Variants in PLAC8L1 observed in about 807,000 individuals in gnomAD.
The protein encoded by PLAC8L1 is PLAC8-like protein 1.
PLAC8L1 carries 13 observed loss-of-function variants against 16.3 expected under a neutral mutation model. That is an observed-to-expected ratio of 0.80 (90% CI 0.52 to 1.27). The LOEUF (loss-of-function observed/expected upper bound fraction) is 1.27, where lower values mean the gene tolerates loss of function less well. Ranked by LOEUF, PLAC8L1 falls within the 50% of genes most tolerant of loss-of-function variation. PLAC8L1 has a pLI of 0.00. For synonymous variants in PLAC8L1, 78 were observed against 79.3 expected (o/e 0.98, Z 0.09); for missense variants, 184 against 220.2 (o/e 0.84, Z 1.04).
At position 146,098,210 on chromosome 5, in the gene PLAC8L1, T is replaced by G; in HGVS notation, c.202A>C (p.Thr68Pro). Residue 68 changes from threonine (T) to proline (P), a missense_variant, in exon 2 of 4, where the codon ACT becomes CCT. By Grantham distance (38) the Thr-to-Pro change is conservative. Coordinates refer to ENST00000311450, the MANE Select transcript of PLAC8L1 (RefSeq NM_001029869.3). Reference protein sequence around the residue: ...GRTTITAIVQTGGGWSTGLFS... With the variant: ...GRTTITAIVQPGGGWSTGLFS... ...AGACCGGTGCTCCAGCCCCCGCCAG[T>G]CTGGACAATTGCTGTGATTGTCGTC... is the stretch of plus-strand genomic sequence containing the variant. 6.2e-7 allele frequency: 1 copy of G among 1,614,140 alleles called. No individual in the cohort carries two copies. Among genetic ancestry groups the G allele is most frequent in the East Asian group, 2.2e-5 (1 of 44,892 alleles).
chr5:146,094,607 C>G (rs1433214520), intron 2 of PLAC8L1, among the ~76,000 whole-genome samples: 2 of 152,200 alleles, frequency 1.3e-5, no homozygotes, highest in South Asian at 2.1e-4. Flanking sequence ...CACAATGCCA[C>G]TTAGCAGCCA....
intron 2 of PLAC8L1, among the ~76,000 whole-genome samples, chr5:146,088,034 C>A (rs1057276139): frequency 6.6e-6 from 1 of 152,184 alleles, no homozygotes; most frequent in Non-Finnish European, 1.5e-5. Context: ...CACCATCCCC[C>A]CTTGGTACCA....
chr5:146,101,527 G>A (rs1763817169), intron 1 of PLAC8L1, among the ~76,000 whole-genome samples: 1 of 152,112 alleles, frequency 6.6e-6, no homozygotes, highest in African/African-American at 2.4e-5. Context: ...TGAGGTTGGG[G>A]GCATATGCTG....
intron 3 of PLAC8L1, 54 bp downstream of exon 3, chr5:146,085,407 G>A: frequency 6.5e-7 from 1 of 1,547,024 alleles, no homozygotes; most frequent in Non-Finnish European, 8.8e-7. Flanking sequence ...GGTTTGGAAG[G>A]CATCTAGGTT....
intron 3 of PLAC8L1, 24 bp downstream of exon 3, chr5:146,085,437 A>G: frequency 6.2e-7 from 1 of 1,610,906 alleles, no homozygotes; most frequent in Non-Finnish European, 8.5e-7. Flanking sequence ...ATTCGGGTTC[A>G]CGTATACCTT....
intron 3 of PLAC8L1, among the ~76,000 whole-genome samples, 178 bp downstream of exon 3, chr5:146,085,283 A>G (rs1399220260): frequency 6.6e-6 from 1 of 152,126 alleles, no homozygotes; most frequent in Non-Finnish European, 1.5e-5. Flanking sequence ...TAGTTAACTT[A>G]TATTTCCTGG....
intron 2 of PLAC8L1, among the ~76,000 whole-genome samples, chr5:146,088,862 C>T (rs1763564981): frequency 6.6e-6 from 1 of 152,142 alleles, no homozygotes; most frequent in South Asian, 2.1e-4. Context: ...AGAGTACTCA[C>T]ACTGTATGCA....
intron 2 of PLAC8L1, among the ~76,000 whole-genome samples, chr5:146,097,258 G>A (rs1763733240): frequency 1.3e-5 from 2 of 152,262 alleles, no homozygotes; most frequent in South Asian, 4.1e-4. Flanking sequence ...GCCCAGGGGG[G>A]AATCATGTAG....
rs140221084 is a variant in PLAC8L1, at chr5:146,091,559, G to A, written c.257-5962C>T. Among the ~76,000 whole-genome samples, 444 of 152,224 alleles carry A rather than the reference G, an allele frequency of 2.9e-3. 1 individual carries two copies. The highest frequency in any genetic ancestry group is 4.2e-3 in the Non-Finnish European group (284 of 68,024). On this transcript the variant is annotated intron_variant, in intron 2 of 3. Transcript: ENST00000311450. ...TCTCTAAAATTTCAACACTTTGGGA[G>A]GCCAAGGCAGGAGGATCACTTGAGG...
chr5:146,103,723 C>T, intron 1 of PLAC8L1: 1 of 985,424 alleles, frequency 1.0e-6, no homozygotes, highest in Non-Finnish European at 1.2e-6. Context: ...TCCTCTTCCT[C>T]TTCTAGCACA....
At chr5:146,087,092 G>C (rs535421026) in intron 2 of PLAC8L1, among the ~76,000 whole-genome samples, 1 of 152,250 alleles carries the variant, frequency 6.6e-6, no homozygotes, top group East Asian at 1.9e-4. Context: ...TTCTAGATGA[G>C]TTTTGCCTCT....
chr5:146,100,705 G>A (rs926770581), intron 1 of PLAC8L1, among the ~76,000 whole-genome samples: 1 of 151,942 alleles, frequency 6.6e-6, no homozygotes, highest in African/African-American at 2.4e-5. Flanking sequence ...TATATATATG[G>A]ATATAACAAA....
At chr5:146,095,449 G>T (rs1164863957) in intron 2 of PLAC8L1, among the ~76,000 whole-genome samples, 1 of 152,188 alleles carries the variant, frequency 6.6e-6, no homozygotes. Context: ...CAGTATGGCT[G>T]AGGAGTGAGA....
chr5:146,086,130 T>C (rs540914864), intron 2 of PLAC8L1, among the ~76,000 whole-genome samples: 79 of 143,036 alleles, frequency 5.5e-4, no homozygotes, highest in South Asian at 9.0e-4. Context: ...CCCGGGTTCA[T>C]GCCATTCTCC....
intron 2 of PLAC8L1, among the ~76,000 whole-genome samples, chr5:146,089,780 C>T (rs1763581533): frequency 6.6e-6 from 1 of 150,746 alleles, no homozygotes; most frequent in African/African-American, 2.4e-5. Flanking sequence ...CCTCTGTCGC[C>T]CAGGCTGGAG....
At position 146,105,170 on chromosome 5, in the gene PLAC8L1, T is replaced by G. The variant is rs538360316; in HGVS notation, c.-859A>C. 6.6e-6 allele frequency among the ~76,000 whole-genome samples: 1 copy of G among 152,302 alleles called. No homozygotes were observed. Among genetic ancestry groups the G allele is most frequent in the East Asian group, 1.9e-4 (1 of 5,190 alleles). Reference sequence around the variant, plus strand: ...TGAGGAAAGGGCTCTGCAATCATAATTTGACATTACATTAGAAAGACATCA... The same window carrying G: ...TGAGGAAAGGGCTCTGCAATCATAAGTTGACATTACATTAGAAAGACATCA... On this transcript the variant is annotated 5_prime_UTR_variant, in exon 1 of 4. Coordinates refer to ENST00000311450, the MANE Select transcript of PLAC8L1 (RefSeq NM_001029869.3).
chr5:146,100,661 A>C (rs1210021729), intron 1 of PLAC8L1, among the ~76,000 whole-genome samples: 1 of 152,232 alleles, frequency 6.6e-6, no homozygotes, highest in Non-Finnish European at 1.5e-5. Context: ...AAACAAAATT[A>C]TAAAAATTAT....
chr5:146,085,046 C>A (rs1763483633), intron 3 of PLAC8L1, among the ~76,000 whole-genome samples: 1 of 147,532 alleles, frequency 6.8e-6, no homozygotes. Context: ...TCTATGTCTA[C>A]ATAAACATAT....
intron 2 of PLAC8L1, among the ~76,000 whole-genome samples, chr5:146,095,375 G>A (rs1561784214): frequency 6.6e-6 from 1 of 152,184 alleles, no homozygotes; most frequent in Non-Finnish European, 1.5e-5. Context: ...AAGTGTGGTT[G>A]GTGTCCTGAG....
Sources: allele counts gnomAD v4.1 joint callset (sites outside exome capture counted in the v4.1 genomes callset), GRCh38; gene constraint gnomAD v4.1.1; transcripts MANE v1.5; gene names NCBI Gene and HGNC (gene_info 2026-07-23, HGNC 2026-07-21).